The following DNAI7 variants were observed in gnomAD, a reference collection of about 807,000 sequenced individuals.
DNAI7 encodes dynein axonemal intermediate chain 7.
In DNAI7, 78 loss-of-function variants were observed where a neutral mutation model predicts 86.6. The ratio of observed to expected loss-of-function variants is 0.90; its 90% CI spans 0.75 to 1.09. DNAI7 has a LOEUF of 1.09. Among genes scored for constraint, DNAI7 ranks in the 50% least tolerant of loss-of-function variants. The pLI is 0.00. For missense variants in DNAI7, 753 were observed against 810.2 expected (o/e 0.93, Z 0.86); for synonymous variants, 274 against 273.0 (o/e 1.00, Z -0.04).
intron 2 of DNAI7, among the ~76,000 whole-genome samples, chr12:25,174,634 T>TCC (rs1393753080): frequency 7.6e-5 from 9 of 118,570 alleles, no homozygotes; most frequent in Non-Finnish European, 1.4e-4. Context: ...GGGATATATA[T>TCC]CATATATATG....
intron 12 of DNAI7, among the ~76,000 whole-genome samples, chr12:25,118,461 C>T (rs1940635143): frequency 6.6e-6 from 1 of 151,928 alleles, no homozygotes; most frequent in East Asian, 1.9e-4. Context: ...TGAGATTTCA[C>T]CATGTTGGCC....
chr12:25,149,019 CAG>C (rs1186579422), intron 7 of DNAI7, among the ~76,000 whole-genome samples: 1 of 151,842 alleles, frequency 6.6e-6, no homozygotes, highest in Non-Finnish European at 1.5e-5. Context: ...TTTTTTGAGA[CAG>C]AGTCTGCCTC....
intron 2 of DNAI7, among the ~76,000 whole-genome samples, chr12:25,175,909 C>T (rs999895337): frequency 6.6e-6 from 1 of 151,730 alleles, no homozygotes; most frequent in Non-Finnish European, 1.5e-5. Context: ...GAAACCCCAT[C>T]TCTACTAAAA....
chr12:25,114,957 T>C (rs1159065595), intron 12 of DNAI7, 87 bp from the exon 13 acceptor site: 3 of 966,620 alleles, frequency 3.1e-6, no homozygotes, highest in Non-Finnish European at 4.6e-6. Flanking sequence ...AATTGCTTTG[T>C]GTATAAATTG....
rs112532652 is a variant in DNAI7 at position 25,113,938 on chromosome 12, G to GTTTTTTT, written c.1611+711_1611+717dup. On this transcript the variant is annotated intron_variant, in intron 13 of 15. Transcript: ENST00000395987. ...ATGTAATTTCTTTCTTTCTTTCTGGGTTTTTTTTTTTTTTTTTTTTTTTTT... is the reference window on the plus strand; with the variant it reads ...ATGTAATTTCTTTCTTTCTTTCTGGGTTTTTTTTTTTTTTTTTTTTTTTTTTTTTTTT... Among the ~76,000 whole-genome samples, 62 of 82,818 alleles carry GTTTTTTT rather than the reference G, an allele frequency of 7.5e-4. 5 individuals carry two copies. Among genetic ancestry groups the GTTTTTTT allele is most frequent in the African/African-American group, 2.4e-3 (48 of 20,410 alleles). 54.3% of individuals were successfully genotyped at this position (82,818 alleles called of 152,430 possible).
chr12:25,121,932 A>T lies in DNAI7; in HGVS notation c.1079-19T>A. Reference sequence around the variant, plus strand: ...AACTGTGCTAAAATTAATCAGATTAACAGTTTTCAAATAGATTACAGTTTA... The same window carrying T: ...AACTGTGCTAAAATTAATCAGATTATCAGTTTTCAAATAGATTACAGTTTA... On this transcript the variant is annotated intron_variant, in intron 10 of 15. Transcript: ENST00000395987. 1 of 1,524,714 alleles carries T rather than the reference A, an allele frequency of 6.6e-7. No homozygotes were observed. The highest frequency in any genetic ancestry group is 1.3e-5 in the South Asian group (1 of 79,514). The allele number at this position is 1,524,714 out of a possible 1,614,324, so 94.4% of individuals were successfully genotyped here. A position where few individuals can be genotyped will look rare whatever the true frequency, so the allele number is the denominator to read the frequency against.
At chr12:25,107,978 A>C (rs1949327193), downstream of DNAI7, 1 of 1,614,092 alleles carries the variant, frequency 6.2e-7, no homozygotes, top group Admixed American at 1.7e-5. Flanking sequence ...GCTCCCACAC[A>C]GCAAGAGGAC....
At chr12:25,182,085 C>T (rs549112588) in intron 2 of DNAI7, among the ~76,000 whole-genome samples, 31 of 150,142 alleles carry the variant, frequency 2.1e-4, no homozygotes, top group Non-Finnish European at 3.1e-4. Context: ...CGGTGGCTCA[C>T]GCCTGTAATT....
At chr12:25,185,301 T>G (rs73071282) in intron 2 of DNAI7, among the ~76,000 whole-genome samples, 1,932 of 152,310 alleles carry the variant, frequency 0.013, 39 homozygotes, top group South Asian at 0.083. Context: ...TACATTGTAG[T>G]GAGCACTATT....
At chr12:25,184,966 T>TA (rs35375688) in intron 2 of DNAI7, among the ~76,000 whole-genome samples, 21,333 of 106,378 alleles carry the variant, frequency 0.2, 1,773 homozygotes, top group Admixed American at 0.24. Flanking sequence ...CCCATCTCTA[T>TA]AAAAAAAAAA....
chr12:25,143,591 C>T (rs2140841282), intron 9 of DNAI7, among the ~76,000 whole-genome samples: 2 of 152,290 alleles, frequency 1.3e-5, no homozygotes, highest in South Asian at 4.1e-4. Context: ...CTTAGAGTAT[C>T]TAATAATTCC....
chr12:25,110,135 C>A lies in DNAI7; in HGVS notation c.1885G>T (p.Val629Leu), dbSNP rs150985883. ...GTTTCTACATATCATACCTTAAATACGACTTTTGTAGAATTACATAGTAGG... is the reference window on the plus strand; with the variant it reads ...GTTTCTACATATCATACCTTAAATAAGACTTTTGTAGAATTACATAGTAGG... The part of the protein sequence containing the change: ...WNLLCNSTKV[V>L]FKVREHLTEA... Residue 629 changes from valine (V) to leucine (L), a missense_variant, in exon 15 of 16, where the codon GTA becomes TTA. By Grantham distance (32) the Val-to-Leu change is conservative (BLOSUM62 1). Transcript: ENST00000395987. 9 of 1,568,538 alleles carry A rather than the reference C, an allele frequency of 5.7e-6. No individual in the cohort carries two copies. Among genetic ancestry groups the A allele is most frequent in the Non-Finnish European group, 6.1e-6 (7 of 1,139,386 alleles).
chr12:25,147,110 A>G lies in DNAI7; in HGVS notation c.586-6T>C, dbSNP rs373138155. 7 of 1,477,164 alleles carry G rather than the reference A, an allele frequency of 4.7e-6. No individual in the cohort carries two copies. The African/African-American group carries it at 6.9e-5, about 15-fold the overall frequency. 91.5% of individuals were successfully genotyped at this position (1,477,164 alleles called of 1,614,324 possible). On this transcript the variant is annotated splice_polypyrimidine_tract_variant and splice_region_variant and intron_variant, in intron 7 of 15. Coordinates refer to ENST00000395987, the MANE Select transcript of DNAI7 (RefSeq NM_018272.5). ...TCTGCCAAAGTACTAGCTTGCTGTA[A>G]GAGAAAAAGAAAACATTATAAAGGG...
Position 25,119,264 on chromosome 12 carries a change from G to C in DNAI7, c.1277C>G (p.Pro426Arg). ...KEGLQKYTYP[P>R]ETTEEFETEN... ...TGTCTCAAACTCTTCTGTAGTTTCC[G>C]GAGGATATGTGTATTTCTGTAATCC... Residue 426 changes from proline to arginine, a missense_variant, in exon 12 of 16, where the codon CCG becomes CGG. By Grantham distance (103) the Pro-to-Arg change is moderately radical. Transcript: ENST00000395987. 6.2e-7 allele frequency: 1 copy of C among 1,611,716 alleles called. No homozygotes were observed. Among genetic ancestry groups the C allele is most frequent in the Non-Finnish European group, 8.5e-7 (1 of 1,178,270 alleles).
intron 13 of DNAI7, among the ~76,000 whole-genome samples, chr12:25,112,978 A>G (rs976058922): frequency 2.6e-5 from 4 of 152,162 alleles, no homozygotes; most frequent in African/African-American, 9.7e-5. Context: ...GGGTGTTTCA[A>G]TCGTCATATT....
chr12:25,132,830 T>C (rs1378870975), intron 9 of DNAI7, among the ~76,000 whole-genome samples: 1 of 147,732 alleles, frequency 6.8e-6, no homozygotes, highest in Non-Finnish European at 1.5e-5. Flanking sequence ...TGTCCTTTGC[T>C]TAATTTTATA....
At chr12:25,164,360 TCTCTA>T (rs1947189404) in intron 2 of DNAI7, among the ~76,000 whole-genome samples, 2 of 150,952 alleles carry the variant, frequency 1.3e-5, no homozygotes, top group Admixed American at 6.6e-5. Context: ...TCTCTCTGTG[TCTCTA>T]CTCTCTCTTT....
chr12:25,191,946 G>T (rs964301521), intron 1 of DNAI7, among the ~76,000 whole-genome samples: 3 of 152,174 alleles, frequency 2.0e-5, no homozygotes, highest in African/African-American at 4.8e-5. Flanking sequence ...TTACATATTT[G>T]AAGAGTTATA....
intron 2 of DNAI7, among the ~76,000 whole-genome samples, chr12:25,182,154 C>A (rs1376120626): frequency 6.6e-6 from 1 of 151,368 alleles, no homozygotes; most frequent in Non-Finnish European, 1.5e-5. Context: ...TTGAGATCAG[C>A]CTGACCAACA....
Sources: allele counts gnomAD v4.1 joint callset (sites outside exome capture counted in the v4.1 genomes callset), GRCh38; gene constraint gnomAD v4.1.1; transcripts MANE v1.5; gene names NCBI Gene and HGNC (gene_info 2026-07-23, HGNC 2026-07-21).